The following F13A1 variants were observed in gnomAD, a reference collection of about 807,000 sequenced individuals.
F13A1 encodes the protein coagulation factor XIII A chain.
A neutral mutation model predicts 80.1 loss-of-function variants in F13A1; 47 were observed. The ratio of observed to expected loss-of-function variants is 0.59; its 90% CI spans 0.46 to 0.75. The LOEUF is 0.75. Ranked by LOEUF, F13A1 falls within the 30% of genes least tolerant of loss-of-function variation. F13A1 has a pLI of 0.00. For missense variants in F13A1, 817 were observed against 930.4 expected, an observed-to-expected ratio of 0.88 and a Z score of 1.59; for synonymous variants, 349 against 344.9, an observed-to-expected ratio of 1.01 and a Z score of -0.13.
chr6:6,210,358 T>C (rs1236808308), intron 8 of F13A1, among the ~76,000 whole-genome samples: 4 of 142,854 alleles, frequency 2.8e-5, no homozygotes, highest in African/African-American at 7.8e-5. Context: ...TTTCTTTTTT[T>C]TTTTTAGAGG....
At chr6:6,271,821 G>A (rs1757925431) in intron 3 of F13A1, among the ~76,000 whole-genome samples, 1 of 152,192 alleles carries the variant, frequency 6.6e-6, no homozygotes, top group South Asian at 2.1e-4. Flanking sequence ...AAGCCGCTTG[G>A]ACCATATGCC....
At chr6:6,150,289 C>T (rs559432991) in intron 14 of F13A1, among the ~76,000 whole-genome samples, 3 of 152,260 alleles carry the variant, frequency 2.0e-5, no homozygotes, top group African/African-American at 7.2e-5. Flanking sequence ...GTGAGACTGT[C>T]GTTTCTGACG....
Position 6,174,737 on chromosome 6 carries a change from C to T in F13A1, c.1590G>A (p.Leu530=), listed in dbSNP as rs1760848767. The T allele has an allele frequency of 6.2e-7, 1 of 1,614,174 alleles. No homozygotes were observed. The highest frequency in any genetic ancestry group is 2.2e-5 in the East Asian group (1 of 44,872). ...TGATGGAGAGCTTGAAGTCTTTTCC[C>T]AGCACAGCATTTTCCACTTCAAAGT... The part of the protein sequence containing the change: ...DMDFEVENAV[L]GKDFKLSITF... The change falls in exon 12 of 15, where the codon CTG becomes CTA. Residue 530 remains leucine, a synonymous_variant. Transcript: ENST00000264870.
intron 10 of F13A1, among the ~76,000 whole-genome samples, chr6:6,189,584 G>A (rs1278199255): frequency 4.9e-5 from 7 of 143,928 alleles, no homozygotes; most frequent in Admixed American, 7.3e-5. Context: ...AGTTTCTGCC[G>A]AGAGATCCGC....
chr6:6,230,913 T>G (rs546877979), intron 6 of F13A1, among the ~76,000 whole-genome samples: 2 of 152,116 alleles, frequency 1.3e-5, no homozygotes, highest in East Asian at 3.9e-4. Context: ...CAAGGGAACA[T>G]CCCATGGGAC....
At chr6:6,269,041 G>A (rs962867284) in intron 3 of F13A1, among the ~76,000 whole-genome samples, 1 of 151,998 alleles carries the variant, frequency 6.6e-6, no homozygotes, top group Admixed American at 6.6e-5. Context: ...AAAGGCAGAA[G>A]GAAGAAGGGG....
intron 4 of F13A1, among the ~76,000 whole-genome samples, chr6:6,253,028 G>A (rs1242610262): frequency 6.6e-6 from 1 of 151,290 alleles, no homozygotes; most frequent in African/African-American, 2.4e-5. Context: ...GCATGGTGGT[G>A]TGTGCCTGTA....
In F13A1 at chr6:6,222,138, A is replaced by G; in HGVS notation, c.1007T>C (p.Val336Ala). The G allele has an allele frequency of 1.2e-6, 2 of 1,614,086 alleles. No individual in the cohort carries two copies. The highest frequency in any genetic ancestry group is 1.7e-6 in the Non-Finnish European group (2 of 1,179,938). ...ATCATGGGCAGAGAAATAATTGGTA[A>G]CAATTCTTGCTGGTATTCCAAGGCA... ...LRCLGIPARI[V>A]TNYFSAHDND... The change falls in exon 8 of 15, where the codon GTT becomes GCT. Residue 336 changes from valine (V) to alanine (A), a missense_variant. Val to Ala is a moderately conservative substitution (Grantham distance 64). Coordinates refer to ENST00000264870, the MANE Select transcript of F13A1 (RefSeq NM_000129.4).
chr6:6,178,972 C>T (rs768793680), intron 11 of F13A1, among the ~76,000 whole-genome samples: 3 of 152,060 alleles, frequency 2.0e-5, no homozygotes, highest in East Asian at 1.9e-4. Context: ...AGAGTGTGCG[C>T]GGAAGGAGTG....
chr6:6,260,994 A>C (rs1290964254), intron 4 of F13A1, among the ~76,000 whole-genome samples: 1 of 152,132 alleles, frequency 6.6e-6, no homozygotes, highest in Non-Finnish European at 1.5e-5. Context: ...TTTGAGATGG[A>C]GTCTCACTCT....
At chr6:6,308,606 C>CTTTTTT (rs770570204) in intron 2 of F13A1, among the ~76,000 whole-genome samples, 46 of 88,852 alleles carry the variant, frequency 5.2e-4, no homozygotes, top group South Asian at 9.0e-4. Context: ...AAAACACATT[C>CTTTTTT]TTTTTTTTTT....
chr6:6,303,656 A>C (rs1292368182), intron 3 of F13A1, among the ~76,000 whole-genome samples: 1 of 152,152 alleles, frequency 6.6e-6, no homozygotes, highest in Non-Finnish European at 1.5e-5. Flanking sequence ...ATCTAACTGA[A>C]ATTTTGTATT....
intron 6 of F13A1, among the ~76,000 whole-genome samples, chr6:6,235,687 G>T (rs1245785311): frequency 6.6e-6 from 1 of 152,030 alleles, no homozygotes; most frequent in African/African-American, 2.4e-5. Context: ...CTGCTGGTGG[G>T]AATGTAAAAT....
chr6:6,193,946 C>T (rs191781542), intron 10 of F13A1, among the ~76,000 whole-genome samples: 4 of 152,298 alleles, frequency 2.6e-5, no homozygotes, highest in Admixed American at 6.5e-5. Flanking sequence ...TAAACTGCCA[C>T]GGCAGGTACG....
chr6:6,186,527 A>T (rs990514649), intron 10 of F13A1, among the ~76,000 whole-genome samples: 6 of 152,096 alleles, frequency 3.9e-5, no homozygotes, highest in Admixed American at 3.9e-4. Context: ...AAGATCAGAT[A>T]GTTGTAGATA....
intron 3 of F13A1, among the ~76,000 whole-genome samples, chr6:6,285,932 A>T (rs368277882): frequency 6.6e-6 from 1 of 152,214 alleles, no homozygotes; most frequent in Non-Finnish European, 1.5e-5. Flanking sequence ...CTCCAGGGAC[A>T]CTCAACTGGT....
At chr6:6,156,532 T>C (rs1009515133) in intron 13 of F13A1, among the ~76,000 whole-genome samples, 1 of 152,240 alleles carries the variant, frequency 6.6e-6, no homozygotes, top group Admixed American at 6.5e-5. Context: ...CTTTCAATCA[T>C]GTATTGCACG....
chr6:6,194,828 T>G (rs953489839), intron 10 of F13A1, among the ~76,000 whole-genome samples: 1 of 152,238 alleles, frequency 6.6e-6, no homozygotes, highest in Non-Finnish European at 1.5e-5. Context: ...GTTACCAGTA[T>G]GCATTCAGGT....
intron 6 of F13A1, among the ~76,000 whole-genome samples, chr6:6,233,000 A>T (rs1042042637): frequency 6.6e-6 from 1 of 152,040 alleles, no homozygotes; most frequent in South Asian, 2.1e-4. Flanking sequence ...CAGAAAAAAG[A>T]CCAAAGGAGC....
Sources: gnomAD v4.1 joint callset for allele counts (sites outside exome capture counted in the v4.1 genomes callset) on GRCh38, gnomAD v4.1.1 for gene constraint, MANE v1.5 for transcripts, NCBI Gene and HGNC (gene_info 2026-07-23, HGNC 2026-07-21) for gene names.